The following HERC1 variants were observed in gnomAD, a reference collection of about 807,000 sequenced individuals.
The protein encoded by HERC1 is probable E3 ubiquitin-protein ligase HERC1.
In HERC1, 160 loss-of-function variants were observed where a neutral mutation model predicts 554.3. The observed-to-expected ratio is 0.29, with a 90% CI of 0.25 to 0.33. The LOEUF (loss-of-function observed/expected upper bound fraction) is 0.33, where lower values mean the gene tolerates loss of function less well. Among genes scored for constraint, HERC1 ranks in the 10% least tolerant of loss-of-function variants. The pLI is 1.00. For missense variants in HERC1, 4,919 were observed against 5,918.5 expected, an observed-to-expected ratio of 0.83 and a Z score of 5.54; for synonymous variants, 2,175 against 2,131.7, an observed-to-expected ratio of 1.02 and a Z score of -0.56.
rs916196028 is a variant in HERC1, at chr15:63,630,512, G to A, written c.12920C>T (p.Ala4307Val). 10 of 1,613,806 alleles carry A rather than the reference G, an allele frequency of 6.2e-6. No individual in the cohort carries two copies. The highest frequency in any genetic ancestry group is 1.3e-5 in the African/African-American group (1 of 74,908). Residue 4307 changes from alanine to valine, a missense_variant, in exon 69 of 78, where the codon GCA becomes GTA. Transcript: ENST00000443617. ...AVGAEHTLAL[A>V]SNGDVYAWGS... ...CCAGGCATACACATCTCCATTTGAT[G>A]CCAAAGCAAGTGTGTGTTCAGCTCC...
At chr15:63,765,754 G>A (rs11639437) in intron 2 of HERC1, among the ~76,000 whole-genome samples, 5 of 152,128 alleles carry the variant, frequency 3.3e-5, no homozygotes, top group South Asian at 2.1e-4. Flanking sequence ...ATATTATGTC[G>A]CCCTAAAATG....
chr15:63,651,306 C>T lies in HERC1; in HGVS notation c.10493G>A (p.Gly3498Asp). 1 of 1,613,810 alleles carries T rather than the reference C, an allele frequency of 6.2e-7. No homozygotes were observed. Among genetic ancestry groups the T allele is most frequent in the Non-Finnish European group, 8.5e-7 (1 of 1,179,738 alleles). Residue 3498 changes from glycine to aspartate, a missense_variant, in exon 53 of 78, where the codon GGC becomes GAC. This residue lies in a region of HERC1 where 1,963 missense variants were observed against 2,228.6 expected (regional missense o/e 0.88). Coordinates refer to ENST00000443617, the MANE Select transcript of HERC1 (RefSeq NM_003922.4). ...SFSPVSWSISGKYLAGALEKM... is the reference protein window; with the variant it reads ...SFSPVSWSISDKYLAGALEKM... ...TTCCAAAGCGCCTGCTAGATATTTGCCACTGATACTCCAGGAAACTGGTGA... is the reference window on the plus strand; with the variant it reads ...TTCCAAAGCGCCTGCTAGATATTTGTCACTGATACTCCAGGAAACTGGTGA...
At chr15:63,642,365 TCTCACTCTGTC>T (rs2152844742) in intron 59 of HERC1, among the ~76,000 whole-genome samples, 1 of 152,268 alleles carries the variant, frequency 6.6e-6, no homozygotes, top group African/African-American at 2.4e-5. Flanking sequence ...TGGGATGGGC[TCTCACTCTGTC>T]ACCCAGGTTG....
intron 1 of HERC1, among the ~76,000 whole-genome samples, chr15:63,792,683 C>T (rs1443275641): frequency 6.6e-6 from 1 of 152,188 alleles, no homozygotes; most frequent in Non-Finnish European, 1.5e-5. Flanking sequence ...CAACACAGAA[C>T]ACTTCTGTGA....
At chr15:63,672,093 A>G (rs967564858) in intron 39 of HERC1, among the ~76,000 whole-genome samples, 1 of 152,234 alleles carries the variant, frequency 6.6e-6, no homozygotes, top group Non-Finnish European at 1.5e-5. Flanking sequence ...ATACAGTTAA[A>G]GAAGTATGCT....
intron 1 of HERC1, among the ~76,000 whole-genome samples, chr15:63,823,926 C>T (rs763596037): frequency 1.3e-5 from 2 of 152,030 alleles, no homozygotes; most frequent in Non-Finnish European, 1.5e-5. Flanking sequence ...ATCCAAAATG[C>T]GTAAGGAACT....
At chr15:63,752,909 T>G (rs746280065) in intron 8 of HERC1, 49 bp downstream of exon 8, 1 of 1,548,426 alleles carries the variant, frequency 6.5e-7, no homozygotes, top group African/African-American at 1.4e-5. Context: ...TTTAGTCACC[T>G]AATCCTCTGA....
intron 1 of HERC1, among the ~76,000 whole-genome samples, chr15:63,811,809 CAAA>C (rs374847616): frequency 2.6e-5 from 2 of 77,158 alleles, no homozygotes; most frequent in Non-Finnish European, 2.5e-5. Context: ...ACTCCGTCTC[CAAA>C]AAAAAAAAAA....
chr15:63,693,579 T>C (rs2072245998), intron 30 of HERC1, among the ~76,000 whole-genome samples: 2 of 143,202 alleles, frequency 1.4e-5, no homozygotes, highest in African/African-American at 2.4e-5. Context: ...AGGTTAGAGA[T>C]GGCTTGTCAG....
chr15:63,736,965 G>A (rs28491763), intron 12 of HERC1, among the ~76,000 whole-genome samples: 2 of 151,632 alleles, frequency 1.3e-5, no homozygotes, highest in Admixed American at 6.6e-5. Context: ...AGAAATTTGA[G>A]GAAAGCCTTT....
At chr15:63,643,282 G>A (rs2069162209) in intron 58 of HERC1, 122 bp downstream of exon 58, 1 of 927,916 alleles carries the variant, frequency 1.1e-6, no homozygotes, top group African/African-American at 1.7e-5. Context: ...TCTGAAAGAA[G>A]TTTCCTCAGT....
At chr15:63,731,683 T>C (rs2074299478) in intron 14 of HERC1, among the ~76,000 whole-genome samples, 1 of 152,150 alleles carries the variant, frequency 6.6e-6, no homozygotes, top group Non-Finnish European at 1.5e-5. Context: ...AAGACTTGTA[T>C]TGGAAGAAAA....
At position 63,775,369 on chromosome 15, in the gene HERC1, G is replaced by A; in HGVS notation, c.255C>T (p.Ser85=). Residue 85 remains serine, a synonymous_variant, in exon 2 of 78, where the codon AGC becomes AGT. Transcript: ENST00000443617. The surrounding 1 kb of genome is among the most constrained non-coding windows in gnomAD (Gnocchi z 4.0). ...QDHYLDALLS[S]QLALAKMVCS... ...ATACCATCTTTGCCAATGCTAGCTG[G>A]CTGCTAAGAAGGGCATCCAAATAGT... 1.2e-6 allele frequency: 2 copies of A among 1,613,938 alleles called. No homozygotes were observed. The highest frequency in any genetic ancestry group is 1.7e-6 in the Non-Finnish European group (2 of 1,179,838).
chr15:63,703,475 C>T (rs1006718565), intron 25 of HERC1, among the ~76,000 whole-genome samples: 1 of 152,208 alleles, frequency 6.6e-6, no homozygotes, highest in African/African-American at 2.4e-5. Context: ...TATCTCTCTC[C>T]TATTCCTCTC....
Position 63,755,306 on chromosome 15 carries a change from G to A in HERC1, c.1553C>T (p.Ala518Val). The change falls in exon 6 of 78, where the codon GCT becomes GTT. Residue 518 changes from alanine (A) to valine (V), a missense_variant. Physicochemically the swap from Ala to Val is moderately conservative, Grantham distance 64. Coordinates refer to ENST00000443617, the MANE Select transcript of HERC1 (RefSeq NM_003922.4). ...LQGKVVVCVS[A>V]GYRHSAAVTE... Reference sequence around the variant, plus strand: ...GACAGCAGCACTATGTCTGTATCCAGCTGACACACAAACAACTACCTGCAT... The same window carrying A: ...GACAGCAGCACTATGTCTGTATCCAACTGACACACAAACAACTACCTGCAT... 6.2e-7 allele frequency: 1 copy of A among 1,613,556 alleles called. No individual in the cohort carries two copies. The highest frequency in any genetic ancestry group is 8.5e-7 in the Non-Finnish European group (1 of 1,179,570).
rs771949592 is a variant in HERC1 at position 63,628,815 on chromosome 15, G to C, written c.12967C>G (p.Leu4323Val). 4.3e-6 allele frequency: 7 copies of C among 1,611,598 alleles called. No homozygotes were observed. Among genetic ancestry groups the C allele is most frequent in the Non-Finnish European group, 5.9e-6 (7 of 1,179,026 alleles). Reference protein sequence around the residue: ...YAWGSNSEGQLGLGHTNHVRE... With the variant: ...YAWGSNSEGQVGLGHTNHVRE... ...ACATGGTTGGTATGGCCTAAGCCGA[G>C]CTGGGAATAAATCACAAATATACAG... is the stretch of plus-strand genomic sequence containing the variant. The change falls in exon 70 of 78, where the codon CTC (leucine) becomes GTC (valine). Residue 4323 changes from leucine to valine, a missense_variant and splice_region_variant. Leu to Val is a conservative substitution (Grantham distance 32, BLOSUM62 1). This residue lies in a region of HERC1 where 410 missense variants were observed against 467.0 expected (regional missense o/e 0.88). Coordinates refer to ENST00000443617, the MANE Select transcript of HERC1 (RefSeq NM_003922.4).
intron 32 of HERC1, among the ~76,000 whole-genome samples, chr15:63,690,189 A>G (rs1403534198): frequency 2.6e-5 from 4 of 151,616 alleles, no homozygotes; most frequent in African/African-American, 9.7e-5. Flanking sequence ...AAAAAAAGAA[A>G]TATTAACCTA....
intron 50 of HERC1, 47 bp from the exon 51 acceptor site, chr15:63,654,371 T>G: frequency 7.4e-7 from 1 of 1,353,248 alleles, no homozygotes. Context: ...ATTGGGCAAT[T>G]AAACCTGCTT....
intron 2 of HERC1, among the ~76,000 whole-genome samples, chr15:63,771,216 C>T (rs1012746206): frequency 6.6e-6 from 1 of 151,528 alleles, no homozygotes; most frequent in Non-Finnish European, 1.5e-5. Context: ...AAAAGAAACA[C>T]GGGTTCTGGA....
Sources: allele counts gnomAD v4.1 joint callset (sites outside exome capture counted in the v4.1 genomes callset), GRCh38; gene constraint gnomAD v4.1.1; regional missense constraint gnomAD v4.1.1; non-coding constraint Gnocchi (gnomAD v3.1); transcripts MANE v1.5; gene names NCBI Gene and HGNC (gene_info 2026-07-23, HGNC 2026-07-21).